Variants in DLGAP2 observed in about 807,000 individuals in gnomAD.
DLGAP2 encodes DLG associated protein 2.
Under a neutral mutation model 100.3 loss-of-function variants are expected in DLGAP2, and 26 were observed. That is an observed-to-expected ratio of 0.26 (90% CI 0.19 to 0.36). The LOEUF (loss-of-function observed/expected upper bound fraction) is 0.36, where lower values mean the gene tolerates loss of function less well. Among genes scored for constraint, DLGAP2 ranks in the 10% least tolerant of loss-of-function variants. The pLI, the probability that DLGAP2 is intolerant of heterozygous loss-of-function variation, is 1.00. For missense variants in DLGAP2, 1,858 were observed against 1,453.2 expected (o/e 1.28, Z -4.53); for synonymous variants, 886 against 630.1 (o/e 1.41, Z -6.08).
At chr8:1,252,908 G>A (rs1005307041) in intron 2 of DLGAP2, among the ~76,000 whole-genome samples, 1 of 152,236 alleles carries the variant, frequency 6.6e-6, no homozygotes, top group African/African-American at 2.4e-5. Context: ...CACAGCTGGA[G>A]GGAGGCAGAG....
At chr8:866,951 C>T (rs1211903089) in intron 1 of DLGAP2, among the ~76,000 whole-genome samples, 1 of 152,092 alleles carries the variant, frequency 6.6e-6, no homozygotes, top group Non-Finnish European at 1.5e-5. Context: ...TGTCTTCATC[C>T]CTTACAGGCT....
intron 3 of DLGAP2, among the ~76,000 whole-genome samples, chr8:1,455,389 C>T (rs1798282319): frequency 6.6e-6 from 1 of 152,202 alleles, no homozygotes; most frequent in African/African-American, 2.4e-5. Flanking sequence ...TCCCCCTGCC[C>T]CTCGGGGTCC....
At chr8:1,420,650 T>C (rs1797065032) in intron 3 of DLGAP2, among the ~76,000 whole-genome samples, 1 of 152,188 alleles carries the variant, frequency 6.6e-6, no homozygotes, top group Non-Finnish European at 1.5e-5. Context: ...ACCCAATTTG[T>C]GCCTCCGACT....
At chr8:1,657,122 A>T (rs138037145) in intron 8 of DLGAP2, among the ~76,000 whole-genome samples, 42 of 152,342 alleles carry the variant, frequency 2.8e-4, no homozygotes, top group African/African-American at 1.0e-3. Context: ...TAGTCAGGTC[A>T]GGTCTTCAGA....
At position 1,052,910 on chromosome 8, in the gene DLGAP2, A is replaced by G. The variant is rs145963819; in HGVS notation, c.73+144944A>G. Reference sequence around the variant, plus strand: ...CAAACTCATTATTAATCTTCCCCCAAATGTCTATATAGAGAACCAGGTGAT... The same window carrying G: ...CAAACTCATTATTAATCTTCCCCCAGATGTCTATATAGAGAACCAGGTGAT... On this transcript the variant is annotated intron_variant, in intron 2 of 14. Coordinates refer to ENST00000637795, the MANE Select transcript of DLGAP2 (RefSeq NM_001346810.2). 2.5e-3 allele frequency among the ~76,000 whole-genome samples: 385 copies of G among 152,288 alleles called. 1 individual carries two copies. The highest frequency in any genetic ancestry group is 8.2e-3 in the African/African-American group (341 of 41,558).
intron 3 of DLGAP2, among the ~76,000 whole-genome samples, chr8:1,455,168 C>G (rs1051681799): frequency 3.3e-5 from 5 of 152,210 alleles, no homozygotes; most frequent in African/African-American, 1.2e-4. Context: ...CCGTCTAAAG[C>G]CCAGAGGGAG....
chr8:1,523,092 G>C (rs764016022), intron 4 of DLGAP2, among the ~76,000 whole-genome samples: 1 of 152,186 alleles, frequency 6.6e-6, no homozygotes, highest in Non-Finnish European at 1.5e-5. Context: ...GGCACTGCCC[G>C]TGCGGCATCT....
At chr8:1,169,291 A>G (rs1797079168) in intron 2 of DLGAP2, among the ~76,000 whole-genome samples, 1 of 152,144 alleles carries the variant, frequency 6.6e-6, no homozygotes, top group Non-Finnish European at 1.5e-5. Context: ...GTAGCCTTGT[A>G]ATATACTTTG....
At chr8:1,249,979 C>G (rs1171443930) in intron 2 of DLGAP2, among the ~76,000 whole-genome samples, 2 of 152,140 alleles carry the variant, frequency 1.3e-5, no homozygotes, top group Admixed American at 6.5e-5. Context: ...CTCCCAGGTT[C>G]AAGTGATTGT....
chr8:795,666 G>GTGTCCAGTGAGAGCAGC (rs1796011969), intron 1 of DLGAP2, among the ~76,000 whole-genome samples: 1 of 128,722 alleles, frequency 7.8e-6, no homozygotes. Context: ...GTGAGAGCAG[G>GTGTCCAGTGAGAGCAGC]TGTCCAGTGA....
At chr8:1,271,326 C>T (rs1372082301) in intron 3 of DLGAP2, among the ~76,000 whole-genome samples, 1 of 152,126 alleles carries the variant, frequency 6.6e-6, no homozygotes, top group African/African-American at 2.4e-5. Context: ...GCGCCCATTT[C>T]AATGCGATTC....
At chr8:776,442 T>C (rs1821517667) in intron 1 of DLGAP2, among the ~76,000 whole-genome samples, 2 of 152,154 alleles carry the variant, frequency 1.3e-5, no homozygotes, top group South Asian at 4.1e-4. Context: ...ATTGTGATGT[T>C]AGGGTGTCAA....
intron 3 of DLGAP2, chr8:1,301,623 G>A (rs572461445): frequency 2.6e-5 from 4 of 152,402 alleles, no homozygotes; most frequent in Admixed American, 1.3e-4. Context: ...TCTGGGAGAG[G>A]GTAGAGGATA....
chr8:1,146,612 T>C (rs1166693015), intron 2 of DLGAP2, among the ~76,000 whole-genome samples: 1 of 152,138 alleles, frequency 6.6e-6, no homozygotes, highest in Non-Finnish European at 1.5e-5. Flanking sequence ...TGTGTGTGCA[T>C]GCACGTGTGT....
rs1796228086 is a variant in DLGAP2 at position 1,386,718 on chromosome 8, G to A, written c.107-114648G>A. ...GGGATTCAGCCAGGTTAGCAGCTGA[G>A]GAGATGCTCAGGATGGGGAGGAAAG... On this transcript the variant is annotated intron_variant, in intron 3 of 14. Coordinates refer to ENST00000637795, the MANE Select transcript of DLGAP2 (RefSeq NM_001346810.2). 3.3e-5 allele frequency among the ~76,000 whole-genome samples: 5 copies of A among 152,164 alleles called. No individual in the cohort carries two copies. The South Asian group carries it at 1.0e-3, about 32-fold the overall frequency.
intron 1 of DLGAP2, among the ~76,000 whole-genome samples, chr8:873,021 A>C (rs942378124): frequency 6.6e-6 from 1 of 151,328 alleles, no homozygotes; most frequent in Non-Finnish European, 1.5e-5. Context: ...ATACAGTGTA[A>C]GTACTATGTG....
intron 2 of DLGAP2, among the ~76,000 whole-genome samples, chr8:1,083,821 T>G (rs1456140079): frequency 1.3e-5 from 2 of 152,080 alleles, no homozygotes; most frequent in East Asian, 1.9e-4. Flanking sequence ...GAAAAAAGAG[T>G]CTTATTTTGC....
intron 6 of DLGAP2, among the ~76,000 whole-genome samples, chr8:1,599,396 G>A (rs1258125874): frequency 3.3e-5 from 5 of 152,126 alleles, no homozygotes; most frequent in South Asian, 2.1e-4. Flanking sequence ...GTCCAGAGCT[G>A]AATTGAAGTC....
chr8:902,361 T>TTG (rs1386243986), intron 1 of DLGAP2, among the ~76,000 whole-genome samples: 1 of 138,320 alleles, frequency 7.2e-6, no homozygotes, highest in Non-Finnish European at 1.6e-5. Context: ...GCGCGGGGGC[T>TTG]GGGGGGGCAC....
Sources: gnomAD v4.1 joint callset for allele counts (sites outside exome capture counted in the v4.1 genomes callset) on GRCh38, gnomAD v4.1.1 for gene constraint, MANE v1.5 for transcripts, NCBI Gene and HGNC (gene_info 2026-07-23, HGNC 2026-07-21) for gene names.